The following ECM2 variants were observed in gnomAD, a reference collection of about 807,000 sequenced individuals.
ECM2 encodes extracellular matrix protein 2, also known as extracellular matrix protein 2, female organ and adipocyte specific.
Under a neutral mutation model 67.5 loss-of-function variants are expected in ECM2, and 57 were observed. The observed-to-expected ratio is 0.84, with a 90% CI of 0.68 to 1.05. The LOEUF (loss-of-function observed/expected upper bound fraction) is 1.05. Among genes scored for constraint, ECM2 ranks in the 50% least tolerant of loss-of-function variants. The probability of loss-of-function intolerance (pLI) is 0.00; values close to 1 mark genes in which losing one functional copy is unlikely to be tolerated. For missense variants in ECM2, 741 were observed against 822.8 expected (o/e 0.90, Z 1.22); for synonymous variants, 258 against 294.5 (o/e 0.88, Z 1.27).
intron 8 of ECM2, among the ~76,000 whole-genome samples, chr9:92,501,601 G>T (rs746225992): frequency 2.0e-5 from 3 of 152,192 alleles, no homozygotes; most frequent in Admixed American, 2.0e-4. Flanking sequence ...TCTGGGGAAC[G>T]TGGTGAACTC....
chr9:92,552,493 C>T, the ECM2 span, among the ~76,000 whole-genome samples: 2 of 152,116 alleles, frequency 1.3e-5, no homozygotes, highest in African/African-American at 2.4e-5. Flanking sequence ...TCACCGCATC[C>T]ATGCCAACAT....
intron 7 of ECM2, among the ~76,000 whole-genome samples, chr9:92,503,546 A>G (rs1416117322): frequency 6.6e-6 from 1 of 152,232 alleles, no homozygotes; most frequent in Non-Finnish European, 1.5e-5. Flanking sequence ...AGAACTGTTA[A>G]TAAGTTTTTA....
chr9:92,496,156 G>C lies in ECM2; in HGVS notation c.*159C>G. ...AAACTCCTAGAGACTATACCTTTTA[G>C]GTATATTTTGGTTGTTCATCTGTGT... On this transcript the variant is annotated 3_prime_UTR_variant, in exon 10 of 10. Transcript: ENST00000344604. The C allele has an allele frequency of 7.5e-7, 1 of 1,335,882 alleles. No individual in the cohort carries two copies. The allele number at this position is 1,335,882 out of a possible 1,614,324, so 82.8% of individuals were successfully genotyped here. A position where few individuals can be genotyped will look rare whatever the true frequency, so the allele number is the denominator to read the frequency against.
the ECM2 span, among the ~76,000 whole-genome samples, chr9:92,558,065 C>T: frequency 1.1e-3 from 161 of 151,974 alleles, no homozygotes; most frequent in African/African-American, 3.5e-3. Flanking sequence ...TTTGGATTTC[C>T]TTGCTTTGGG....
chr9:92,532,454 T>C (rs764504551), intron 1 of ECM2, among the ~76,000 whole-genome samples: 1 of 152,174 alleles, frequency 6.6e-6, no homozygotes, highest in Non-Finnish European at 1.5e-5. Flanking sequence ...TCATTCTTTC[T>C]ATAACTACAG....
chr9:92,502,917 A>G (rs1247525841), intron 7 of ECM2, among the ~76,000 whole-genome samples: 2 of 149,160 alleles, frequency 1.3e-5, no homozygotes, highest in Non-Finnish European at 3.0e-5. Flanking sequence ...AAGTGATCCT[A>G]CCACCTCAGT....
intron 1 of ECM2, among the ~76,000 whole-genome samples, chr9:92,535,487 TTTC>T (rs1235592332): frequency 2.0e-5 from 3 of 152,154 alleles, no homozygotes; most frequent in Admixed American, 6.5e-5. Flanking sequence ...TTAACTTATT[TTTC>T]TTCATTTAAA....
At chr9:92,526,690 A>G (rs1248885711) in intron 1 of ECM2, among the ~76,000 whole-genome samples, 1 of 151,982 alleles carries the variant, frequency 6.6e-6, no homozygotes, top group Non-Finnish European at 1.5e-5. Context: ...GAGGAATGCT[A>G]TTACAAAAGA....
the ECM2 span, among the ~76,000 whole-genome samples, chr9:92,546,413 G>A: frequency 6.6e-6 from 1 of 152,304 alleles, no homozygotes; most frequent in Admixed American, 6.5e-5. Context: ...GGTCCACGCT[G>A]ACTTTATGAG....
At position 92,495,536 on chromosome 9, in the gene ECM2, C is replaced by T. The variant is rs1588179114; in HGVS notation, c.*779G>A. On this transcript the variant is annotated 3_prime_UTR_variant, in exon 10 of 10. Coordinates refer to ENST00000344604, the MANE Select transcript of ECM2 (RefSeq NM_001393.4). ...AATTAATTTGTATTTTAAGCAAACT[C>T]TACTGCTTTTCAAAAAATGTCTTAA... 1.0e-6 allele frequency: 1 copy of T among 982,006 alleles called. No homozygotes were observed. Among genetic ancestry groups the T allele is most frequent in the Non-Finnish European group, 1.2e-6 (1 of 826,890 alleles). 60.8% of individuals were successfully genotyped at this position (982,006 alleles called of 1,614,324 possible). A position where few individuals can be genotyped will look rare whatever the true frequency, so the allele number is the denominator to read the frequency against.
At chr9:92,544,712 A>ATTT in the ECM2 span, among the ~76,000 whole-genome samples, 7 of 132,450 alleles carry the variant, frequency 5.3e-5, no homozygotes, top group East Asian at 2.3e-4. Flanking sequence ...ATCACTATAA[A>ATTT]TTTTTTTTTT....
chr9:92,502,767 T>C, intron 7 of ECM2, 115 bp from the exon 8 acceptor site: 1 of 899,618 alleles, frequency 1.1e-6, no homozygotes. Context: ...TAAAGAGTCT[T>C]ACTGCTCTTT....
chr9:92,506,222 C>T (rs1003470649), intron 6 of ECM2, among the ~76,000 whole-genome samples: 3 of 152,214 alleles, frequency 2.0e-5, no homozygotes, highest in African/African-American at 7.2e-5. Context: ...CACCCTCAGT[C>T]TCTGAACAAG....
intron 1 of ECM2, among the ~76,000 whole-genome samples, chr9:92,533,985 G>A (rs1849016777): frequency 6.6e-6 from 1 of 152,028 alleles, no homozygotes; most frequent in East Asian, 1.9e-4. Flanking sequence ...AGAATGGAAT[G>A]TACCTTGGTA....
At chr9:92,515,658 G>A (rs148163749) in intron 3 of ECM2, among the ~76,000 whole-genome samples, 1 of 152,270 alleles carries the variant, frequency 6.6e-6, no homozygotes, top group African/African-American at 2.4e-5. Context: ...AGTGAAACAG[G>A]TGTATATTTT....
At chr9:92,493,784 A>C (rs867618011), downstream of ECM2, 1 of 202,698 alleles carries the variant, frequency 4.9e-6, no homozygotes, top group Admixed American at 5.9e-5. Flanking sequence ...TTATAAAATC[A>C]GTAGAAATAA....
At chr9:92,512,380 T>TG (rs914343898) in intron 4 of ECM2, among the ~76,000 whole-genome samples, 10 of 152,244 alleles carry the variant, frequency 6.6e-5, no homozygotes, top group African/African-American at 2.2e-4. Flanking sequence ...ATGGTTTAGA[T>TG]GAAGGTGCTT....
At chr9:92,506,929 A>G (rs1009440243) in intron 6 of ECM2, among the ~76,000 whole-genome samples, 27 of 151,962 alleles carry the variant, frequency 1.8e-4, no homozygotes, top group African/African-American at 5.8e-4. Flanking sequence ...TTATTTAGAG[A>G]CAGAGTCTTG....
chr9:92,512,541 A>T (rs145018201), intron 4 of ECM2, among the ~76,000 whole-genome samples: 2 of 152,278 alleles, frequency 1.3e-5, no homozygotes, highest in East Asian at 3.9e-4. Context: ...GTTTTTGTCC[A>T]TGAATGCTCA....
Sources: gnomAD v4.1 joint callset for allele counts (sites outside exome capture counted in the v4.1 genomes callset) on GRCh38, gnomAD v4.1.1 for gene constraint, MANE v1.5 for transcripts, NCBI Gene and HGNC (gene_info 2026-07-23, HGNC 2026-07-21) for gene names.